WDR35: variants seen among roughly 807,000 people sequenced by gnomAD.
The protein encoded by WDR35 is WD repeat-containing protein 35.
In WDR35, 118 loss-of-function variants were observed where a neutral mutation model predicts 158.3. That is an observed-to-expected ratio of 0.75 (90% confidence interval 0.64 to 0.87). The LOEUF (loss-of-function observed/expected upper bound fraction) is 0.87. Among genes scored for constraint, WDR35 ranks in the 40% least tolerant of loss-of-function variants. The probability of loss-of-function intolerance (pLI) is 0.00; values close to 1 mark genes in which losing one functional copy is unlikely to be tolerated. For missense variants in WDR35, 1,263 were observed against 1,405.8 expected (o/e 0.90, Z 1.62); for synonymous variants, 448 against 476.1 (o/e 0.94, Z 0.77).
At chr2:19,980,822 C>T (rs1672360556) in intron 3 of WDR35, 39 bp from the exon 4 acceptor site, 1 of 1,560,974 alleles carries the variant, frequency 6.4e-7, no homozygotes, top group African/African-American at 1.4e-5. Context: ...TTAAAGGTTA[C>T]AATTAATTTC....
chr2:19,920,059 T>C (rs558925079), intron 25 of WDR35, among the ~76,000 whole-genome samples: 1 of 152,264 alleles, frequency 6.6e-6, no homozygotes, highest in South Asian at 2.1e-4. Flanking sequence ...AACAGATCAA[T>C]AACAAGTTCT....
At chr2:19,963,059 A>C (rs1205809243) in intron 10 of WDR35, among the ~76,000 whole-genome samples, 3 of 152,064 alleles carry the variant, frequency 2.0e-5, no homozygotes, top group African/African-American at 7.2e-5. Flanking sequence ...GTTTTATTTC[A>C]ATTTAGTCCA....
At chr2:19,916,723 C>G (rs2103381343) in intron 25 of WDR35, among the ~76,000 whole-genome samples, 1 of 152,324 alleles carries the variant, frequency 6.6e-6, no homozygotes, top group South Asian at 2.1e-4. Context: ...GCCAGCAGCC[C>G]CAGTCAGGGA....
At chr2:19,962,391 T>C in intron 10 of WDR35, 1 of 1,543,648 alleles carries the variant, frequency 6.5e-7, no homozygotes, top group Non-Finnish European at 8.9e-7. Flanking sequence ...AAAAAAGACA[T>C]GACTCAACCT....
chr2:19,964,255 G>A (rs866060543), intron 10 of WDR35, among the ~76,000 whole-genome samples: 1 of 151,804 alleles, frequency 6.6e-6, no homozygotes, highest in South Asian at 2.1e-4. Context: ...TATTCACTGA[G>A]CTAGGCACTT....
chr2:19,970,332 C>G (rs1055600832), intron 8 of WDR35, among the ~76,000 whole-genome samples: 3 of 152,134 alleles, frequency 2.0e-5, no homozygotes, highest in Non-Finnish European at 2.9e-5. Flanking sequence ...TCTCTTTCAT[C>G]CCCTCACAAC....
intron 2 of WDR35, among the ~76,000 whole-genome samples, chr2:19,986,486 T>G (rs186362945): frequency 1.3e-5 from 2 of 152,200 alleles, no homozygotes; most frequent in African/African-American, 4.8e-5. Context: ...GAGAGAAAAG[T>G]AGTACGTCTA....
At chr2:19,916,856 C>A (rs944338461) in intron 25 of WDR35, among the ~76,000 whole-genome samples, 5 of 152,216 alleles carry the variant, frequency 3.3e-5, no homozygotes, top group Admixed American at 6.5e-5. Context: ...GCGGATCAAC[C>A]AGCACAGTGT....
At chr2:19,928,972 G>A (rs1191777) in intron 25 of WDR35, among the ~76,000 whole-genome samples, 147,686 of 152,232 alleles carry the variant, frequency 0.97, 71,782 homozygotes, top group East Asian at 1. Flanking sequence ...ACACCCAGCT[G>A]ATTTTTTTGT....
rs941026371 is a variant in WDR35, at chr2:19,912,076, T to C, written c.*1482A>G. ...AGGGGAAAGCGTATGTGACAGAATG[T>C]GAGTCAGGACATAAAAACATTACAA... On this transcript the variant is annotated 3_prime_UTR_variant, in exon 27 of 27. Transcript: ENST00000281405. The C allele has an allele frequency of 2.6e-5, 4 of 152,328 alleles. No individual in the cohort carries two copies. The highest frequency in any genetic ancestry group is 2.6e-4 in the Admixed American group (4 of 15,296). 9.4% of individuals were successfully genotyped at this position (152,328 alleles called of 1,614,324 possible). A position where few individuals can be genotyped will look rare whatever the true frequency, so the allele number is the denominator to read the frequency against.
rs1265039923 is a variant in WDR35 at position 19,948,193 on chromosome 2, T to C, written c.1495A>G (p.Ile499Val). The change falls in exon 14 of 27, where the codon ATA becomes GTA. Residue 499 changes from isoleucine (I) to valine (V), a missense_variant. Coordinates refer to ENST00000281405, the MANE Select transcript of WDR35 (RefSeq NM_020779.4). The stretch of plus-strand genomic sequence containing the variant: ...ATCAATATCTTATCTGATGCAGTTA[T>C]GGCACAAATTGGATCCCTTGTGCCC... ...IQGTRDPICA[I>V]TASDKILIVG... The C allele has an allele frequency of 1.6e-5, 26 of 1,610,194 alleles. No homozygotes were observed. The highest frequency in any genetic ancestry group is 8.9e-5 in the East Asian group (4 of 44,790).
chr2:19,934,024 A>AACAACC lies in WDR35; in HGVS notation c.2548-514_2548-513insGGTTGT, dbSNP rs1553316753. On this transcript the variant is annotated intron_variant, in intron 21 of 26. Coordinates refer to ENST00000281405, the MANE Select transcript of WDR35 (RefSeq NM_020779.4). The surrounding 1 kb of genome is among the most constrained non-coding windows in gnomAD (Gnocchi z 4.6). Reference sequence around the variant, plus strand: ...TTGGAAAGTGGTGGCAGCGAGGAAGAACCACCACCACCACCACCACCACCA... The same window carrying AACAACC: ...TTGGAAAGTGGTGGCAGCGAGGAAGAACAACCACCACCACCACCACCACCACCACCA... Among the ~76,000 whole-genome samples, 3 of 105,072 alleles carry AACAACC rather than the reference A, an allele frequency of 2.9e-5. No individual in the cohort carries two copies. Among genetic ancestry groups the AACAACC allele is most frequent in the Non-Finnish European group, 5.5e-5 (3 of 54,102 alleles). The allele number at this position is 105,072 out of a possible 152,430, so 68.9% of individuals were successfully genotyped here. A position where few individuals can be genotyped will look rare whatever the true frequency, so the allele number is the denominator to read the frequency against.
chr2:19,987,925 T>C lies in WDR35; in HGVS notation c.142+1240A>G, dbSNP rs539594127. 2.6e-5 allele frequency among the ~76,000 whole-genome samples: 4 copies of C among 151,268 alleles called. No individual in the cohort carries two copies. In the East Asian group the frequency reaches 7.8e-4, roughly 29 times the overall value. On this transcript the variant is annotated intron_variant, in intron 2 of 26. Coordinates refer to ENST00000281405, the MANE Select transcript of WDR35 (RefSeq NM_020779.4). Reference sequence around the variant, plus strand: ...ATACACACGTATATATATATCTATATACACATTTAAGAAACAGAGAAAAAC... The same window carrying C: ...ATACACACGTATATATATATCTATACACACATTTAAGAAACAGAGAAAAAC...
chr2:19,977,820 T>C (rs961388166), intron 5 of WDR35, among the ~76,000 whole-genome samples: 4 of 152,202 alleles, frequency 2.6e-5, no homozygotes, highest in African/African-American at 9.7e-5. Context: ...TATACCCTAC[T>C]GATAATCAAC....
chr2:19,919,380 C>CAAAAAAAAAAAAAAAAAAA (rs1302042752), intron 25 of WDR35, among the ~76,000 whole-genome samples: 1 of 48,234 alleles, frequency 2.1e-5, no homozygotes, highest in African/African-American at 6.6e-5. Context: ...GGCTCCATCT[C>CAAAAAAAAAAAAAAAAAAA]AAAAAAAAAA....
In WDR35 at chr2:19,938,344, C is replaced by T. The variant is rs1352163570; in HGVS notation, c.1984G>A (p.Asp662Asn). 6 of 1,614,036 alleles carry T rather than the reference C, an allele frequency of 3.7e-6. No homozygotes were observed. The highest frequency in any genetic ancestry group is 5.1e-6 in the Non-Finnish European group (6 of 1,180,002). Residue 662 changes from aspartate to asparagine, a missense_variant, in exon 18 of 27, where the codon GAT (aspartate) becomes AAT (asparagine). Physicochemically the swap from Asp to Asn is conservative, Grantham distance 23. Coordinates refer to ENST00000281405, the MANE Select transcript of WDR35 (RefSeq NM_020779.4). ...ACCTTCTCAATCAGTGCTCGGCTAT[C>T]TCGCAGAGACCGAATCTCAAAGTTA... ...LINFEIRSLR[D>N]SRALIEKVGI...
At chr2:19,918,514 C>T (rs1035404072) in intron 25 of WDR35, among the ~76,000 whole-genome samples, 1 of 152,134 alleles carries the variant, frequency 6.6e-6, no homozygotes, top group East Asian at 1.9e-4. Flanking sequence ...CAAAGACATA[C>T]ATAGGCTCAA....
chr2:19,967,548 A>C (rs1671897802), intron 9 of WDR35, among the ~76,000 whole-genome samples: 1 of 151,974 alleles, frequency 6.6e-6, no homozygotes, highest in Non-Finnish European at 1.5e-5. Flanking sequence ...CTCTCCCAAC[A>C]TGTTTATATT....
intron 9 of WDR35, among the ~76,000 whole-genome samples, chr2:19,967,155 T>C (rs891394680): frequency 6.6e-6 from 1 of 152,162 alleles, no homozygotes; most frequent in African/African-American, 2.4e-5. Flanking sequence ...CTTATTTTAA[T>C]TGGTAAGATT....
Sources: allele counts gnomAD v4.1 joint callset (sites outside exome capture counted in the v4.1 genomes callset), GRCh38; gene constraint gnomAD v4.1.1; non-coding constraint Gnocchi (gnomAD v3.1); transcripts MANE v1.5; gene names NCBI Gene and HGNC (gene_info 2026-07-23, HGNC 2026-07-21).